PCDH15: variants seen among roughly 807,000 people sequenced by gnomAD.
PCDH15 encodes the protein protocadherin-15.
Under a neutral mutation model 178.5 loss-of-function variants are expected in PCDH15, and 129 were observed. The ratio of observed to expected loss-of-function variants is 0.72; its 90% CI spans 0.63 to 0.84. PCDH15 has a LOEUF of 0.84. Among genes scored for constraint, PCDH15 ranks in the 40% least tolerant of loss-of-function variants. The pLI is 0.00. For missense variants in PCDH15, 2,230 were observed against 2,099.9 expected, an observed-to-expected ratio of 1.06 and a Z score of -1.21; for synonymous variants, 800 against 732.0, an observed-to-expected ratio of 1.09 and a Z score of -1.50.
chr10:54,070,454 T>G, intron 17 of PCDH15, among the ~76,000 whole-genome samples: 1 of 152,236 alleles, frequency 6.6e-6, no homozygotes, highest in East Asian at 1.9e-4. Flanking sequence ...TCTGTCCGCC[T>G]TGGCCTATCA....
intron 11 of PCDH15, among the ~76,000 whole-genome samples, chr10:54,191,043 GAAAT>G (rs2048942802): frequency 6.6e-6 from 1 of 152,120 alleles, no homozygotes; most frequent in African/African-American, 2.4e-5. Context: ...GCCATCTTGT[GAAAT>G]ACTTAATGCA....
rs116224529 is a variant in PCDH15 at position 55,009,415 on chromosome 10, A to G, written c.-79-111915T>C. Among the ~76,000 whole-genome samples the G allele has an allele frequency of 1.7e-3, 260 of 152,260 alleles. 1 individual carries two copies. The highest frequency in any genetic ancestry group is 5.9e-3 in the African/African-American group (245 of 41,562). On this transcript the variant is annotated intron_variant, in intron 2 of 5. Transcript: ENST00000458638. ...TTCTGCTTTTACTACCCTAAGAAGA[A>G]TAAGGGCTTTAGTAAAAGCCATCTA... is the stretch of plus-strand genomic sequence containing the variant.
chr10:55,554,197 C>T (rs372600463), intron 2 of PCDH15, among the ~76,000 whole-genome samples: 3 of 152,206 alleles, frequency 2.0e-5, no homozygotes, highest in African/African-American at 7.2e-5. Context: ...TCCAGTGCCA[C>T]ATTTGCATTA....
chr10:55,569,279 T>C (rs1392719720), intron 2 of PCDH15, among the ~76,000 whole-genome samples: 1 of 152,018 alleles, frequency 6.6e-6, no homozygotes. Flanking sequence ...TTCAGTACTT[T>C]CAAAAGTATC....
rs1488359477 is a variant in PCDH15, at chr10:53,866,662, T to C, written c.3697A>G (p.Ser1233Gly). Reference sequence around the variant, plus strand: ...CTTACGAGTACATCGGCTTTGCCGCTCAGTCCCTTCCCATAGTCGTCAGTT... The same window carrying C: ...CTTACGAGTACATCGGCTTTGCCGCCCAGTCCCTTCCCATAGTCGTCAGTT... The part of the protein sequence containing the change: ...IATDDYGKGL[S>G]GKADVLVSVV... Residue 1233 changes from serine to glycine, a missense_variant, in exon 27 of 38, where the codon AGC becomes GGC. Coordinates refer to ENST00000644397, the MANE Select transcript of PCDH15 (RefSeq NM_001384140.1). The C allele has an allele frequency of 1.9e-6, 3 of 1,613,546 alleles. No homozygotes were observed. Among genetic ancestry groups the C allele is most frequent in the Non-Finnish European group, 8.5e-7 (1 of 1,179,668 alleles).
intron 2 of PCDH15, among the ~76,000 whole-genome samples, chr10:55,387,264 C>T (rs919220215): frequency 6.6e-6 from 1 of 151,998 alleles, no homozygotes; most frequent in African/African-American, 2.4e-5. Context: ...GCCCTAGGAT[C>T]GCTGATAGTT....
intron 3 of PCDH15, among the ~76,000 whole-genome samples, chr10:54,871,669 G>A (rs1271234595): frequency 1.3e-5 from 2 of 151,742 alleles, no homozygotes; most frequent in Admixed American, 6.6e-5. Flanking sequence ...ATTAGGTTAG[G>A]TTGATTTTTA....
chr10:54,617,034 G>T (rs115186501), intron 2 of PCDH15, among the ~76,000 whole-genome samples: 4,856 of 150,394 alleles, frequency 0.032, 236 homozygotes, highest in African/African-American at 0.11. Flanking sequence ...AAAACATGAC[G>T]TTTTTATTTT....
At position 55,151,238 on chromosome 10, in the gene PCDH15, A is replaced by G. The variant is rs148295738; in HGVS notation, c.-80+15338T>C. Among the ~76,000 whole-genome samples, 466 of 152,194 alleles carry G rather than the reference A, an allele frequency of 3.1e-3. 5 individuals carry two copies. The highest frequency in any genetic ancestry group is 0.01 in the African/African-American group (424 of 41,552). The stretch of plus-strand genomic sequence containing the variant: ...GAAAAGATGTATTTTGAGTCTATTG[A>G]AAATTTACATTTAAGTACTTGGTAA... On this transcript the variant is annotated intron_variant, in intron 2 of 5. Coordinates refer to the PCDH15 transcript ENST00000458638.
In PCDH15 at chr10:53,804,291, A is replaced by AT. The variant is rs2132342688; in HGVS notation, c.*2287dup. 6.6e-6 allele frequency: 1 copy of AT among 152,112 alleles called. No homozygotes were observed. Among genetic ancestry groups the AT allele is most frequent in the South Asian group, 2.1e-4 (1 of 4,830 alleles). The allele number at this position is 152,112 out of a possible 1,614,324, so 9.4% of individuals were successfully genotyped here. On this transcript the variant is annotated 3_prime_UTR_variant, in exon 38 of 38. Transcript: ENST00000644397. The stretch of plus-strand genomic sequence containing the variant: ...CTTGTAAAATTTTGCATATTTTCTC[A>AT]TAAAAAATGTAGTTTAAAATACAGT...
At chr10:55,564,887 T>A (rs932211713) in intron 2 of PCDH15, among the ~76,000 whole-genome samples, 2 of 151,704 alleles carry the variant, frequency 1.3e-5, no homozygotes, top group South Asian at 4.1e-4. Flanking sequence ...AAATAAATAG[T>A]TCTACAATAA....
intron 3 of PCDH15, among the ~76,000 whole-genome samples, chr10:54,390,175 A>T (rs1950375199): frequency 6.6e-6 from 1 of 152,218 alleles, no homozygotes; most frequent in Admixed American, 6.5e-5. Flanking sequence ...ATGCAAAAGA[A>T]TTCAGCTTCA....
chr10:55,210,759 G>T (rs1419017700), intron 1 of PCDH15, among the ~76,000 whole-genome samples: 1 of 149,084 alleles, frequency 6.7e-6, no homozygotes, highest in Non-Finnish European at 1.5e-5. Flanking sequence ...TTCCCTAGTA[G>T]CTGGGACTAC....
chr10:54,453,790 T>C (rs140112220), intron 3 of PCDH15, among the ~76,000 whole-genome samples: 1 of 152,114 alleles, frequency 6.6e-6, no homozygotes, highest in Non-Finnish European at 1.5e-5. Flanking sequence ...CAAGGATTTC[T>C]GAGAGCCCTC....
upstream of PCDH15, among the ~76,000 whole-genome samples, chr10:55,320,445 C>G (rs1442079311): frequency 2.0e-5 from 3 of 152,044 alleles, no homozygotes; most frequent in Non-Finnish European, 4.4e-5. Flanking sequence ...GTACAGTCAG[C>G]AAGCATGCAC....
At chr10:55,564,366 C>A (rs546263437) in intron 2 of PCDH15, among the ~76,000 whole-genome samples, 6 of 150,644 alleles carry the variant, frequency 4.0e-5, no homozygotes, top group South Asian at 4.2e-4. Flanking sequence ...CTCATGGTAC[C>A]CACAAAGAAA....
At chr10:55,359,747 T>TATACACAC (rs1491280747) in intron 2 of PCDH15, among the ~76,000 whole-genome samples, 28 of 81,662 alleles carry the variant, frequency 3.4e-4, no homozygotes, top group African/African-American at 1.0e-3. Context: ...TATATATATA[T>TATACACAC]ACACACACAC....
chr10:55,135,210 CATA>C (rs1838155568), intron 2 of PCDH15, among the ~76,000 whole-genome samples: 1 of 152,050 alleles, frequency 6.6e-6, no homozygotes, highest in Admixed American at 6.6e-5. Context: ...CAACTAGTAT[CATA>C]ATAAGAATTA....
chr10:54,344,486 T>A (rs1247145360), intron 6 of PCDH15, among the ~76,000 whole-genome samples: 2 of 152,170 alleles, frequency 1.3e-5, no homozygotes, highest in African/African-American at 4.8e-5. Flanking sequence ...GCTCTCAAAC[T>A]ATATCTAAAC....
Sources: allele counts gnomAD v4.1 joint callset (sites outside exome capture counted in the v4.1 genomes callset), GRCh38; gene constraint gnomAD v4.1.1; transcripts MANE v1.5; gene names NCBI Gene and HGNC (gene_info 2026-07-23, HGNC 2026-07-21).